Variants in CALN1 observed in about 807,000 individuals in gnomAD.
CALN1 encodes calcium-binding protein 8.
In CALN1, 17 loss-of-function variants were observed where a neutral mutation model predicts 30.6. That is an observed-to-expected ratio of 0.56 (90% CI 0.38 to 0.83). CALN1 has a LOEUF of 0.83. CALN1 is among the 40% of genes least tolerant of loss of function. The probability of loss-of-function intolerance (pLI) is 0.00; values close to 1 mark genes in which losing one functional copy is unlikely to be tolerated. For synonymous variants in CALN1, 156 were observed against 131.4 expected (o/e 1.19, Z -1.28); for missense variants, 291 against 354.9 (o/e 0.82, Z 1.45).
intron 4 of CALN1, among the ~76,000 whole-genome samples, chr7:72,054,125 T>C (rs959665316): frequency 2.0e-5 from 3 of 152,086 alleles, no homozygotes; most frequent in Non-Finnish European, 2.9e-5. Flanking sequence ...GTACCTTTTT[T>C]GTATAATGAC....
At chr7:71,963,008 G>A (rs950048931) in intron 5 of CALN1, among the ~76,000 whole-genome samples, 4 of 152,010 alleles carry the variant, frequency 2.6e-5, no homozygotes, top group African/African-American at 9.7e-5. Flanking sequence ...CTACAAAGAG[G>A]ACAGGTTTAA....
At chr7:72,464,196 C>A in the CALN1 span, among the ~76,000 whole-genome samples, 2 of 152,248 alleles carry the variant, frequency 1.3e-5, no homozygotes, top group South Asian at 2.1e-4. Context: ...GTAGCCCCAG[C>A]TACTCAGGAG....
At chr7:72,255,902 G>A (rs1002770628) in intron 3 of CALN1, among the ~76,000 whole-genome samples, 1 of 151,648 alleles carries the variant, frequency 6.6e-6, no homozygotes, top group East Asian at 1.9e-4. Context: ...GCTAATTTTT[G>A]TATTTTTAGT....
At chr7:72,459,646 G>T in the CALN1 span, among the ~76,000 whole-genome samples, 2 of 138,946 alleles carry the variant, frequency 1.4e-5, no homozygotes, top group Non-Finnish European at 3.1e-5. Context: ...AAAAAAAAAA[G>T]GCTAGACCAA....
At chr7:71,974,205 G>A (rs903842731) in intron 5 of CALN1, among the ~76,000 whole-genome samples, 8 of 152,036 alleles carry the variant, frequency 5.3e-5, no homozygotes, top group African/African-American at 1.9e-4. Context: ...ATCACCTGAG[G>A]TCAGGAGTTC....
chr7:72,036,406 C>T (rs757622192), intron 4 of CALN1, among the ~76,000 whole-genome samples: 36 of 152,186 alleles, frequency 2.4e-4, no homozygotes, highest in Non-Finnish European at 4.7e-4. Flanking sequence ...TTCAACCATT[C>T]TTTCTTCAAA....
chr7:72,071,922 A>G (rs1300805585), intron 4 of CALN1, among the ~76,000 whole-genome samples: 2 of 152,214 alleles, frequency 1.3e-5, no homozygotes, highest in African/African-American at 4.8e-5. Flanking sequence ...TTGAGCAGGC[A>G]GAAGGAAAAA....
intron 4 of CALN1, among the ~76,000 whole-genome samples, chr7:72,068,976 T>G (rs991431910): frequency 6.6e-6 from 1 of 152,200 alleles, no homozygotes; most frequent in Admixed American, 6.5e-5. Context: ...ATAGGTACAC[T>G]GAAAACACTT....
chr7:72,215,593 CAAA>C (rs35459723), intron 3 of CALN1, among the ~76,000 whole-genome samples: 4 of 76,940 alleles, frequency 5.2e-5, no homozygotes, highest in African/African-American at 7.9e-5. Context: ...AACTCCTGCT[CAAA>C]AAAAAAAAAA....
chr7:72,377,735 C>T (rs539171498), intron 2 of CALN1, among the ~76,000 whole-genome samples: 8 of 152,158 alleles, frequency 5.3e-5, no homozygotes, highest in Middle Eastern at 3.4e-3. Context: ...TTATGAAACC[C>T]CAAATTTCCC....
At chr7:72,249,555 C>T (rs1019230530) in intron 3 of CALN1, among the ~76,000 whole-genome samples, 3 of 143,768 alleles carry the variant, frequency 2.1e-5, no homozygotes, top group South Asian at 2.4e-4. Context: ...GTAATCACAG[C>T]CTTTGGGAGG....
intron 2 of CALN1, among the ~76,000 whole-genome samples, chr7:72,402,990 A>T (rs1319264491): frequency 6.6e-6 from 1 of 152,178 alleles, no homozygotes; most frequent in African/African-American, 2.4e-5. Context: ...GTCATTGTTC[A>T]CCTGAAAACA....
At chr7:72,151,910 C>CTT (rs369752622) in intron 3 of CALN1, among the ~76,000 whole-genome samples, 142 of 132,878 alleles carry the variant, frequency 1.1e-3, no homozygotes, top group African/African-American at 2.0e-3. Context: ...TTATTCTTTT[C>CTT]TTTTTTTTTT....
At chr7:71,843,105 A>G (rs565377486) in intron 5 of CALN1, among the ~76,000 whole-genome samples, 30 of 152,296 alleles carry the variant, frequency 2.0e-4, no homozygotes, top group African/African-American at 6.7e-4. Context: ...ATGTAGGTGA[A>G]ACATATAATT....
At chr7:72,355,909 T>C (rs560907806) in intron 2 of CALN1, among the ~76,000 whole-genome samples, 1 of 152,290 alleles carries the variant, frequency 6.6e-6, no homozygotes, top group South Asian at 2.1e-4. Flanking sequence ...TTTAAATGGG[T>C]GCATTTTATT....
At chr7:72,234,273 T>C (rs1298394729) in intron 3 of CALN1, among the ~76,000 whole-genome samples, 3 of 152,062 alleles carry the variant, frequency 2.0e-5, no homozygotes, top group Non-Finnish European at 4.4e-5. Flanking sequence ...GACAAGAAAC[T>C]TCCCCGGGAG....
chr7:71,868,284 GA>G (rs1228662631), intron 5 of CALN1, among the ~76,000 whole-genome samples: 1 of 151,992 alleles, frequency 6.6e-6, no homozygotes, highest in Non-Finnish European at 1.5e-5. Context: ...AGAGGCTGCA[GA>G]AAGCTTCCAA....
intron 2 of CALN1, among the ~76,000 whole-genome samples, chr7:72,374,555 A>T: frequency 7.7e-6 from 1 of 129,992 alleles, no homozygotes; most frequent in South Asian, 2.6e-4. Flanking sequence ...AAAGGAAAAA[A>T]AAGAAAAAAA....
At chr7:72,395,773 TG>T (rs1805893465) in intron 2 of CALN1, among the ~76,000 whole-genome samples, 1 of 151,970 alleles carries the variant, frequency 6.6e-6, no homozygotes, top group South Asian at 2.1e-4. Context: ...ATTTGGTCAA[TG>T]GAACAAGAGC....
Sources: gnomAD v4.1 joint callset for allele counts (sites outside exome capture counted in the v4.1 genomes callset) on GRCh38, gnomAD v4.1.1 for gene constraint, MANE v1.5 for transcripts, NCBI Gene and HGNC (gene_info 2026-07-23, HGNC 2026-07-21) for gene names.